The following LMAN1 variants were observed in gnomAD, a reference collection of about 807,000 sequenced individuals.
The protein encoded by LMAN1 is lectin, mannose binding 1, also known as protein ERGIC-53.
LMAN1 carries 32 observed loss-of-function variants against 67.8 expected under a neutral mutation model. The observed-to-expected ratio is 0.47, with a 90% CI of 0.36 to 0.63. The LOEUF (loss-of-function observed/expected upper bound fraction) is 0.63, where lower values mean the gene tolerates loss of function less well. Among genes scored for constraint, LMAN1 ranks in the 30% least tolerant of loss-of-function variants. The probability of loss-of-function intolerance (pLI) is 0.00; values close to 1 mark genes in which losing one functional copy is unlikely to be tolerated. For missense variants in LMAN1, 632 were observed against 628.2 expected, an observed-to-expected ratio of 1.01 and a Z score of -0.06; for synonymous variants, 235 against 219.3, an observed-to-expected ratio of 1.07 and a Z score of -0.63.
In LMAN1 at chr18:59,347,512, C is replaced by A; in HGVS notation, c.822+1G>T. ...GTTTTTGAAAATATGTGTAAAATTACCGGCTCTTTTCCAGGTTCAGTCAAC... is the reference window on the plus strand; with the variant it reads ...GTTTTTGAAAATATGTGTAAAATTAACGGCTCTTTTCCAGGTTCAGTCAAC... On this transcript the variant is annotated splice_donor_variant, in intron 7 of 12. Coordinates refer to ENST00000251047, the MANE Select transcript of LMAN1 (RefSeq NM_005570.4). LOFTEE classifies it high-confidence loss of function. The A allele has an allele frequency of 4.4e-6, 7 of 1,607,246 alleles. No individual in the cohort carries two copies. Among genetic ancestry groups the A allele is most frequent in the Non-Finnish European group, 5.1e-6 (6 of 1,175,300 alleles).
rs753996344 is a variant in LMAN1 at position 59,349,197 on chromosome 18, A to T, written c.679T>A (p.Tyr227Asn). 12 of 1,613,482 alleles carry T rather than the reference A, an allele frequency of 7.4e-6. No homozygotes were observed. The African/African-American group carries it at 1.6e-4, about 22-fold the overall frequency. ...TTTTCCACTTTGGCACAAAATTCATAATCATTTTTATCTGGTGTAAAGCCA... is the reference window on the plus strand; with the variant it reads ...TTTTCCACTTTGGCACAAAATTCATTATCATTTTTATCTGGTGTAAAGCCA... ...NNGFTPDKND[Y>N]EFCAKVENMI... Residue 227 changes from tyrosine to asparagine, a missense_variant, in exon 6 of 13, where the codon TAT becomes AAT. Coordinates refer to ENST00000251047, the MANE Select transcript of LMAN1 (RefSeq NM_005570.4).
chr18:59,355,439 G>C lies in LMAN1; in HGVS notation c.370-19C>G. The C allele has an allele frequency of 6.2e-7, 1 of 1,613,716 alleles. No homozygotes were observed. ...AAATTGCCTGAAAATATGTAATAGG[G>C]AACAGTTAGAGGCTAGTGGTATATG... is the stretch of plus-strand genomic sequence containing the variant. On this transcript the variant is annotated intron_variant, in intron 2 of 12. Transcript: ENST00000251047.
In LMAN1 at chr18:59,331,500, A is replaced by T. The variant is rs549235875; in HGVS notation, c.1414T>A (p.Phe472Ile). 4 of 1,612,830 alleles carry T rather than the reference A, an allele frequency of 2.5e-6. No individual in the cohort carries two copies. The East Asian group carries it at 8.9e-5, about 36-fold the overall frequency. Residue 472 changes from phenylalanine to isoleucine, a missense_variant, in exon 12 of 13, where the codon TTT (phenylalanine) becomes ATT (isoleucine). Phe to Ile is a conservative substitution (Grantham distance 21). Transcript: ENST00000251047. ...EKPKCPELPP[F>I]PSCLSTVHFI... ...TGGACCGTAGACAAACATGATGGAA[A>T]TGGTGGTAGTTCTGGGCATTTCGGC...
intron 3 of LMAN1, among the ~76,000 whole-genome samples, chr18:59,354,839 G>A (rs1035331433): frequency 1.3e-5 from 2 of 152,184 alleles, no homozygotes; most frequent in Non-Finnish European, 2.9e-5. Flanking sequence ...TTTCCAATTT[G>A]TAAGTACATT....
intron 1 of LMAN1, 116 bp downstream of exon 1, chr18:59,358,915 T>A: frequency 9.5e-7 from 1 of 1,047,748 alleles, no homozygotes; most frequent in African/African-American, 1.6e-5. Flanking sequence ...ACAGCGCATA[T>A]GGTGTGCAGC....
chr18:59,346,154 G>A (rs758741621), intron 7 of LMAN1, 103 bp from the exon 8 acceptor site: 42 of 927,998 alleles, frequency 4.5e-5, no homozygotes, highest in Middle Eastern at 3.4e-4. Context: ...TACCACTAGC[G>A]GAAAGGTTAA....
In LMAN1 at chr18:59,331,501, T is replaced by A; in HGVS notation, c.1413A>T (p.Pro471=). Residue 471 remains proline (P), a synonymous_variant, in exon 12 of 13, where the codon CCA becomes CCT. Transcript: ENST00000251047. ...NEKPKCPELP[P]FPSCLSTVHF... ...GGACCGTAGACAAACATGATGGAAA[T>A]GGTGGTAGTTCTGGGCATTTCGGCT... The A allele has an allele frequency of 6.2e-7, 1 of 1,612,666 alleles. No homozygotes were observed. Among genetic ancestry groups the A allele is most frequent in the Non-Finnish European group, 8.5e-7 (1 of 1,178,868 alleles).
At chr18:59,338,120 T>C (rs766530195) in intron 10 of LMAN1, among the ~76,000 whole-genome samples, 62 of 152,224 alleles carry the variant, frequency 4.1e-4, no homozygotes, top group Non-Finnish European at 8.2e-4. Context: ...TAGTCACACA[T>C]ATTACGTTCA....
Position 59,346,029 on chromosome 18 carries a change from G to A in LMAN1, c.845C>T (p.Ser282Leu), listed in dbSNP as rs751738490. The change falls in exon 8 of 13, where the codon TCG (serine) becomes TTG (leucine). Residue 282 changes from serine to leucine, a missense_variant. By Grantham distance (145) the Ser-to-Leu change is moderately radical. Coordinates refer to ENST00000251047, the MANE Select transcript of LMAN1 (RefSeq NM_005570.4). ...CTGATACTTTTCTTTTTCCTTTTCC[G>A]AAATTTCTTTATCTGGTGTGGGCTT... The part of the protein sequence containing the change: ...KEPPTPDKEI[S>L]EKEKEKYQEE... The A allele has an allele frequency of 4.0e-5, 64 of 1,611,766 alleles. No homozygotes were observed. Among genetic ancestry groups the A allele is most frequent in the South Asian group, 1.7e-4 (15 of 90,686 alleles).
intron 8 of LMAN1, among the ~76,000 whole-genome samples, chr18:59,341,261 G>A (rs1363269139): frequency 6.6e-6 from 1 of 151,944 alleles, no homozygotes. Flanking sequence ...CAATAATAGT[G>A]GGAGAATTTA....
intron 10 of LMAN1, among the ~76,000 whole-genome samples, chr18:59,335,741 A>G (rs2144211712): frequency 6.6e-6 from 1 of 152,246 alleles, no homozygotes; most frequent in South Asian, 2.1e-4. Context: ...ATCAGCCATA[A>G]TGAAAAGAGT....
intron 4 of LMAN1, 91 bp downstream of exon 4, chr18:59,354,428 T>C: frequency 1.3e-6 from 1 of 766,586 alleles, no homozygotes; most frequent in South Asian, 1.5e-5. Context: ...ATTTTTTTCA[T>C]TTGGAAGGTG....
chr18:59,342,234 A>G (rs1908304860), intron 8 of LMAN1, among the ~76,000 whole-genome samples: 1 of 152,086 alleles, frequency 6.6e-6, no homozygotes, highest in Non-Finnish European at 1.5e-5. Flanking sequence ...CTTATAGCTG[A>G]ATTCTATCAA....
chr18:59,338,977 G>T, intron 8 of LMAN1, 24 bp from the exon 9 acceptor site: 1 of 1,596,348 alleles, frequency 6.3e-7, no homozygotes, highest in Non-Finnish European at 8.6e-7. Context: ...AAATAAAAAT[G>T]ATCAGAGTCA....
At chr18:59,358,658 G>A (rs1908717795) in intron 1 of LMAN1, among the ~76,000 whole-genome samples, 1 of 152,044 alleles carries the variant, frequency 6.6e-6, no homozygotes, top group Non-Finnish European at 1.5e-5. Context: ...TGGGGGTAGG[G>A]CACATTTCTC....
At chr18:59,358,067 A>C (rs974145842) in intron 1 of LMAN1, among the ~76,000 whole-genome samples, 9 of 152,132 alleles carry the variant, frequency 5.9e-5, no homozygotes, top group African/African-American at 2.2e-4. Flanking sequence ...TTCAACGGGT[A>C]TATCTGATGG....
chr18:59,349,045 C>T, intron 6 of LMAN1, 68 bp downstream of exon 6: 3 of 1,567,454 alleles, frequency 1.9e-6, no homozygotes. Flanking sequence ...GTCTACATAT[C>T]CCTAATATAC....
chr18:59,359,003 C>T (rs754237975), intron 1 of LMAN1, 28 bp downstream of exon 1: 1 of 1,606,504 alleles, frequency 6.2e-7, no homozygotes, highest in Non-Finnish European at 8.5e-7. Flanking sequence ...GAGAGGAACC[C>T]GGCCCCCAGC....
chr18:59,354,526 G>T lies in LMAN1; in HGVS notation c.532C>A (p.His178Asn). 1 of 1,501,132 alleles carries T rather than the reference G, an allele frequency of 6.7e-7. No homozygotes were observed. Among genetic ancestry groups the T allele is most frequent in the Non-Finnish European group, 9.3e-7 (1 of 1,077,892 alleles). The allele number at this position is 1,501,132 out of a possible 1,614,324, so 93.0% of individuals were successfully genotyped here. A position where few individuals can be genotyped will look rare whatever the true frequency, so the allele number is the denominator to read the frequency against. The change falls in exon 4 of 13, where the codon CAT becomes AAT. Residue 178 changes from histidine (H) to asparagine (N), a missense_variant. His to Asn is a moderately conservative substitution (Grantham distance 68, BLOSUM62 1). Transcript: ENST00000251047. ...TAAAAAACACACACTTACTTTTGATGGTCATAATGGATTTGTCCATTGTTG... is the reference window on the plus strand; with the variant it reads ...TAAAAAACACACACTTACTTTTGATTGTCATAATGGATTTGTCCATTGTTG... ...IGNNGQIHYDHQNDGASQALA... is the reference protein window; with the variant it reads ...IGNNGQIHYDNQNDGASQALA...
Sources: allele counts gnomAD v4.1 joint callset (sites outside exome capture counted in the v4.1 genomes callset), GRCh38; gene constraint gnomAD v4.1.1; transcripts MANE v1.5; gene names NCBI Gene and HGNC (gene_info 2026-07-23, HGNC 2026-07-21).